Variants in ADGRL3 observed in about 807,000 individuals in gnomAD.
ADGRL3 encodes the protein adhesion G protein-coupled receptor L3.
ADGRL3 carries 62 observed loss-of-function variants against 153.5 expected under a neutral mutation model. The ratio of observed to expected loss-of-function variants is 0.40; its 90% CI spans 0.33 to 0.50. ADGRL3 has a LOEUF of 0.50. Among genes scored for constraint, ADGRL3 ranks in the 20% least tolerant of loss-of-function variants. ADGRL3 has a pLI of 0.47. For synonymous variants in ADGRL3, 710 were observed against 672.5 expected (o/e 1.06, Z -0.86); for missense variants, 1,641 against 1,859.4 (o/e 0.88, Z 2.16).
chr4:61,629,721 C>CAAAAAAAAA (rs59504485), intron 5 of ADGRL3, among the ~76,000 whole-genome samples: 1 of 33,446 alleles, frequency 3.0e-5, no homozygotes, highest in African/African-American at 1.3e-4. Context: ...CGTCTCGGGG[C>CAAAAAAAAA]AAAAAAAAAA....
chr4:61,388,326 A>C (rs767219559), intron 2 of ADGRL3, among the ~76,000 whole-genome samples: 6 of 152,212 alleles, frequency 3.9e-5, no homozygotes, highest in Non-Finnish European at 7.3e-5. Context: ...TGTAAAATAC[A>C]CTACAGTTTT....
chr4:61,918,859 C>G (rs749115637), intron 13 of ADGRL3, among the ~76,000 whole-genome samples: 4 of 152,136 alleles, frequency 2.6e-5, no homozygotes, highest in African/African-American at 4.8e-5. Context: ...TTCTGTGAAC[C>G]AAAATTGCTA....
intron 5 of ADGRL3, among the ~76,000 whole-genome samples, chr4:61,653,943 G>T (rs944570760): frequency 6.6e-6 from 1 of 152,056 alleles, no homozygotes; most frequent in African/African-American, 2.4e-5. Context: ...AATAGATGTC[G>T]CTACATTCAA....
intron 2 of ADGRL3, among the ~76,000 whole-genome samples, chr4:61,410,432 A>G (rs935859928): frequency 6.6e-6 from 1 of 151,976 alleles, no homozygotes; most frequent in African/African-American, 2.4e-5. Context: ...TGTTTAGTGC[A>G]TATTTTCTTT....
chr4:61,344,643 G>A (rs1258531049), intron 1 of ADGRL3, among the ~76,000 whole-genome samples: 3 of 151,790 alleles, frequency 2.0e-5, no homozygotes, highest in Admixed American at 1.3e-4. Flanking sequence ...AATGATCATT[G>A]TGCCTGTCCT....
chr4:61,459,326 G>C (rs335344), intron 2 of ADGRL3, among the ~76,000 whole-genome samples: 141,695 of 151,908 alleles, frequency 0.93, 66,906 homozygotes, highest in East Asian at 1. Flanking sequence ...TAAACAAATA[G>C]ATTAGAAATA....
At chr4:61,736,740 C>T (rs185391195) in intron 8 of ADGRL3, among the ~76,000 whole-genome samples, 30 of 152,218 alleles carry the variant, frequency 2.0e-4, no homozygotes, top group Admixed American at 3.3e-4. Flanking sequence ...AAAATGAATT[C>T]GTAACTTAAG....
chr4:61,704,154 T>C (rs906312869), intron 6 of ADGRL3, among the ~76,000 whole-genome samples: 1 of 152,206 alleles, frequency 6.6e-6, no homozygotes, highest in Non-Finnish European at 1.5e-5. Flanking sequence ...AGGCAGACTT[T>C]GTTATTTGAT....
rs374095858 is a variant in ADGRL3 at position 61,928,753 on chromosome 4, A to G, written c.2113-6087A>G. ...ATTCACCCTGCCTCCCTCCCAAATC[A>G]TGGTGATATCTGAACACGTTATTCT... On this transcript the variant is annotated intron_variant, in intron 13 of 26. Coordinates refer to ENST00000683033, the MANE Select transcript of ADGRL3 (RefSeq NM_001387552.1). Among the ~76,000 whole-genome samples, 32 of 152,246 alleles carry G rather than the reference A, an allele frequency of 2.1e-4. No homozygotes were observed. The East Asian group carries it at 2.7e-3, about 13-fold the overall frequency.
chr4:61,417,527 A>T (rs879058082), intron 2 of ADGRL3, among the ~76,000 whole-genome samples: 15 of 151,980 alleles, frequency 9.9e-5, no homozygotes, highest in Admixed American at 5.2e-4. Flanking sequence ...CAAACAAAAA[A>T]AATCGAAGAG....
intron 2 of ADGRL3, among the ~76,000 whole-genome samples, chr4:61,432,582 C>CTTTCTT (rs2097371903): frequency 5.6e-5 from 1 of 17,984 alleles, no homozygotes; most frequent in Admixed American, 6.4e-4. Context: ...TCCTTTCTTT[C>CTTTCTT]TTTCTTTCTT....
chr4:61,509,066 TG>T (rs2098447970), intron 3 of ADGRL3, among the ~76,000 whole-genome samples: 1 of 150,876 alleles, frequency 6.6e-6, no homozygotes, highest in South Asian at 2.1e-4. Flanking sequence ...GTGGGAATTA[TG>T]GGAGTACAAT....
At chr4:61,293,735 C>T (rs2094309009) in intron 1 of ADGRL3, among the ~76,000 whole-genome samples, 1 of 152,108 alleles carries the variant, frequency 6.6e-6, no homozygotes, top group South Asian at 2.1e-4. Context: ...AATCCAACTA[C>T]AAATCTGTTA....
intron 1 of ADGRL3, among the ~76,000 whole-genome samples, chr4:61,287,986 A>G (rs571305346): frequency 1.3e-5 from 2 of 151,908 alleles, no homozygotes; most frequent in South Asian, 4.1e-4. Context: ...TCTCCCCCTT[A>G]CTTTTAGGAT....
intron 5 of ADGRL3, among the ~76,000 whole-genome samples, chr4:61,626,986 T>C (rs907616956): frequency 3.9e-5 from 6 of 152,260 alleles, no homozygotes; most frequent in African/African-American, 1.4e-4. Context: ...TTGTTGTTTT[T>C]GCCATTATTT....
intron 5 of ADGRL3, among the ~76,000 whole-genome samples, chr4:61,605,046 T>C (rs1347754833): frequency 7.5e-5 from 9 of 120,782 alleles, no homozygotes; most frequent in Non-Finnish European, 1.4e-4. Flanking sequence ...GCTGAGATCA[T>C]GCCATTGCAC....
At chr4:61,533,781 G>A (rs55773246) in intron 4 of ADGRL3, among the ~76,000 whole-genome samples, 3,295 of 152,098 alleles carry the variant, frequency 0.022, 110 homozygotes, top group East Asian at 0.15. Context: ...CTTATTACTC[G>A]TGAAATGGAC....
chr4:61,376,167 T>C (rs2096600265), intron 1 of ADGRL3, among the ~76,000 whole-genome samples: 1 of 152,174 alleles, frequency 6.6e-6, no homozygotes, highest in Non-Finnish European at 1.5e-5. Flanking sequence ...TAACAATTAT[T>C]ATTTCATGAT....
intron 1 of ADGRL3, among the ~76,000 whole-genome samples, chr4:61,225,997 T>C (rs1747776608): frequency 6.6e-6 from 1 of 152,032 alleles, no homozygotes; most frequent in South Asian, 2.1e-4. Context: ...GTTCTCATTT[T>C]TCCGTAACAG....
Sources: allele counts gnomAD v4.1 joint callset (sites outside exome capture counted in the v4.1 genomes callset), GRCh38; gene constraint gnomAD v4.1.1; transcripts MANE v1.5; gene names NCBI Gene and HGNC (gene_info 2026-07-23, HGNC 2026-07-21).